Variants in AFF3 observed in about 807,000 individuals in gnomAD.
AFF3 encodes AF4/FMR2 family member 3.
AFF3 carries 32 observed loss-of-function variants against 129.7 expected under a neutral mutation model. The observed-to-expected ratio is 0.25, with a 90% CI of 0.19 to 0.33. The LOEUF is 0.33. Among genes scored for constraint, AFF3 ranks in the 10% least tolerant of loss-of-function variants. The pLI is 1.00. For synonymous variants in AFF3, 644 were observed against 635.4 expected, an observed-to-expected ratio of 1.01 and a Z score of -0.20; for missense variants, 1,373 against 1,592.0, an observed-to-expected ratio of 0.86 and a Z score of 2.34.
At chr2:99,587,967 G>A (rs60649250) in intron 15 of AFF3, among the ~76,000 whole-genome samples, 26 of 148,532 alleles carry the variant, frequency 1.8e-4, no homozygotes, top group Middle Eastern at 3.5e-3. Flanking sequence ...CTGAGATCAC[G>A]CCACTGCACT....
At position 100,073,096 on chromosome 2, in the gene AFF3, C is replaced by CTGT. The variant is rs1688324912; in HGVS notation, c.53+31303_53+31305dup. Among the ~76,000 whole-genome samples the CTGT allele has an allele frequency of 2.6e-5, 4 of 152,310 alleles. No individual in the cohort carries two copies. The South Asian group carries it at 8.3e-4, about 32-fold the overall frequency. ...TCTTCCCATGCTGTAGTCTAACATG[C>CTGT]TGTTACAGGTTGAATTGTGTCCCTG... On this transcript the variant is annotated intron_variant, in intron 4 of 24. Coordinates refer to ENST00000672756, the MANE Select transcript of AFF3 (RefSeq NM_001386135.1).
intron 7 of AFF3, among the ~76,000 whole-genome samples, chr2:99,903,669 T>C (rs1186191355): frequency 6.6e-6 from 1 of 152,158 alleles, no homozygotes; most frequent in Non-Finnish European, 1.5e-5. Context: ...AAAATTTCTG[T>C]TATAGTTTGA....
At chr2:99,566,149 T>C (rs1404973618) in intron 19 of AFF3, among the ~76,000 whole-genome samples, 1 of 152,086 alleles carries the variant, frequency 6.6e-6, no homozygotes, top group East Asian at 1.9e-4. Context: ...AGATGGAGTC[T>C]CCCTGCAACC....
At chr2:99,974,548 C>A (rs142371600) in intron 7 of AFF3, among the ~76,000 whole-genome samples, 6 of 152,186 alleles carry the variant, frequency 3.9e-5, no homozygotes, top group African/African-American at 1.4e-4. Flanking sequence ...GCACAGATAA[C>A]CCTCTCTCCT....
chr2:99,668,315 G>T (rs144621386), intron 12 of AFF3, among the ~76,000 whole-genome samples: 1 of 151,842 alleles, frequency 6.6e-6, no homozygotes, highest in Non-Finnish European at 1.5e-5. Flanking sequence ...GGGATTACAC[G>T]TGCACACCAC....
intron 13 of AFF3, chr2:99,631,016 C>T: frequency 2.2e-6 from 1 of 463,186 alleles, no homozygotes; most frequent in East Asian, 7.3e-5. Context: ...CCAGCTAAGG[C>T]TGAAGACAGG....
intron 11 of AFF3, among the ~76,000 whole-genome samples, chr2:99,702,794 T>C (rs780674537): frequency 1.3e-5 from 2 of 152,258 alleles, no homozygotes; most frequent in Non-Finnish European, 2.9e-5. Flanking sequence ...GAGTTCTTTA[T>C]ATATTCCACA....
At chr2:99,811,418 TGG>T (rs1491018832) in intron 8 of AFF3, among the ~76,000 whole-genome samples, 6 of 151,750 alleles carry the variant, frequency 4.0e-5, no homozygotes, top group African/African-American at 1.5e-4. Flanking sequence ...AGAGGTTTTT[TGG>T]TTTTTTTTTC....
At chr2:99,734,903 G>A (rs1402343724) in intron 10 of AFF3, among the ~76,000 whole-genome samples, 1 of 151,962 alleles carries the variant, frequency 6.6e-6, no homozygotes, top group East Asian at 1.9e-4. Context: ...AGAACTGCTG[G>A]CTTTTTCTAA....
chr2:99,582,092 C>G (rs1224689180), intron 17 of AFF3, among the ~76,000 whole-genome samples: 1 of 151,878 alleles, frequency 6.6e-6, no homozygotes, highest in South Asian at 2.1e-4. Flanking sequence ...TGACCTCAGG[C>G]GATCCGCCCG....
intron 7 of AFF3, among the ~76,000 whole-genome samples, chr2:99,920,748 T>C (rs1305545447): frequency 2.0e-5 from 3 of 151,796 alleles, no homozygotes; most frequent in Non-Finnish European, 4.4e-5. Flanking sequence ...AAGGAAGAAG[T>C]GAAACTCTAT....
intron 8 of AFF3, among the ~76,000 whole-genome samples, chr2:99,811,472 G>C (rs1686785123): frequency 6.6e-6 from 1 of 152,014 alleles, no homozygotes; most frequent in Non-Finnish European, 1.5e-5. Context: ...GAGGCATGTG[G>C]GTTTCTGGTC....
chr2:99,652,964 G>C (rs925945294), intron 12 of AFF3, among the ~76,000 whole-genome samples: 1 of 152,148 alleles, frequency 6.6e-6, no homozygotes, highest in Non-Finnish European at 1.5e-5. Flanking sequence ...AGGAACCCAC[G>C]CAGACACCTC....
chr2:99,915,375 G>A (rs554268901), intron 7 of AFF3, among the ~76,000 whole-genome samples: 6 of 152,024 alleles, frequency 3.9e-5, no homozygotes, highest in South Asian at 2.1e-4. Flanking sequence ...ATCACTACAC[G>A]TTATTTATAT....
chr2:99,683,931 C>T (rs190704613), intron 11 of AFF3, among the ~76,000 whole-genome samples: 17 of 152,190 alleles, frequency 1.1e-4, no homozygotes, highest in Non-Finnish European at 1.2e-4. Context: ...CAGACAATCC[C>T]GGCCCTTTTA....
intron 11 of AFF3, among the ~76,000 whole-genome samples, chr2:99,724,070 A>G (rs74646583): frequency 0.057 from 8,610 of 151,860 alleles, 379 homozygotes; most frequent in Non-Finnish European, 0.075. Context: ...TTCGCCACCT[A>G]CTTGCTGGTA....
At chr2:99,729,069 C>T (rs1321841385) in intron 10 of AFF3, among the ~76,000 whole-genome samples, 2 of 152,118 alleles carry the variant, frequency 1.3e-5, no homozygotes, top group Admixed American at 6.6e-5. Context: ...TGGATCCTTT[C>T]CCCCAACCTG....
At chr2:100,115,535 G>C (rs866529881) in intron 2 of AFF3, among the ~76,000 whole-genome samples, 3 of 152,204 alleles carry the variant, frequency 2.0e-5, no homozygotes, top group Non-Finnish European at 4.4e-5. Context: ...TCCAGCCTGG[G>C]TGACAGAGGG....
intron 4 of AFF3, among the ~76,000 whole-genome samples, chr2:100,090,676 T>C (rs1161174273): frequency 6.6e-6 from 1 of 151,690 alleles, no homozygotes; most frequent in Non-Finnish European, 1.5e-5. Context: ...CATACATATA[T>C]ATATATATGT....
Sources: allele counts gnomAD v4.1 joint callset (sites outside exome capture counted in the v4.1 genomes callset), GRCh38; gene constraint gnomAD v4.1.1; transcripts MANE v1.5; gene names NCBI Gene and HGNC (gene_info 2026-07-23, HGNC 2026-07-21).